Variants in THSD4 observed in about 807,000 individuals in gnomAD.
THSD4 encodes thrombospondin type-1 domain-containing protein 4.
THSD4 carries 69 observed loss-of-function variants against 119.0 expected under a neutral mutation model. The ratio of observed to expected loss-of-function variants is 0.58; its 90% CI spans 0.48 to 0.71. THSD4 has a LOEUF of 0.71. THSD4 is among the 30% of genes least tolerant of loss of function. The pLI is 0.00. For synonymous variants in THSD4, 524 were observed against 540.4 expected (o/e 0.97, Z 0.42); for missense variants, 1,393 against 1,391.1 (o/e 1.00, Z -0.02).
intron 7 of THSD4, among the ~76,000 whole-genome samples, chr15:71,467,616 A>G (rs72760689): frequency 0.17 from 26,094 of 152,076 alleles, 2,580 homozygotes; most frequent in South Asian, 0.3. Context: ...ACCTGCTTCA[A>G]GGAAGGGTCA....
intron 7 of THSD4, among the ~76,000 whole-genome samples, chr15:71,471,597 A>G (rs78132567): frequency 0.016 from 2,467 of 151,806 alleles, 40 homozygotes; most frequent in Non-Finnish European, 0.027. Flanking sequence ...GCGAAGTATG[A>G]TCAAGTGATC....
chr15:71,259,648 C>T (rs1041211511), intron 6 of THSD4, among the ~76,000 whole-genome samples: 3 of 152,154 alleles, frequency 2.0e-5, no homozygotes, highest in African/African-American at 7.2e-5. Flanking sequence ...GACACTGATG[C>T]CTAGACCCCT....
intron 1 of THSD4, among the ~76,000 whole-genome samples, chr15:71,141,056 A>ACAAC (rs2040598629): frequency 6.6e-6 from 1 of 152,240 alleles, no homozygotes; most frequent in African/African-American, 2.4e-5. Context: ...TTGTTAGACA[A>ACAAC]TATTTTTACT....
At chr15:71,254,152 A>G (rs1360736878) in intron 5 of THSD4, among the ~76,000 whole-genome samples, 1 of 152,166 alleles carries the variant, frequency 6.6e-6, no homozygotes, top group East Asian at 1.9e-4. Context: ...AGTTGTAGTT[A>G]TTTGAGGAAC....
At chr15:71,764,191 A>G (rs2053675307) in intron 15 of THSD4, among the ~76,000 whole-genome samples, 1 of 152,232 alleles carries the variant, frequency 6.6e-6, no homozygotes, top group African/African-American at 2.4e-5. Flanking sequence ...GGCCGCAGTG[A>G]GCCATGATCA....
intron 7 of THSD4, among the ~76,000 whole-genome samples, chr15:71,601,825 C>T (rs1352024952): frequency 6.6e-6 from 1 of 152,300 alleles, no homozygotes; most frequent in South Asian, 2.1e-4. Context: ...CAGCTGTGTG[C>T]GTGAGCAGCT....
At chr15:71,734,470 G>T (rs2053042591) in intron 10 of THSD4, among the ~76,000 whole-genome samples, 1 of 152,102 alleles carries the variant, frequency 6.6e-6, no homozygotes, top group African/African-American at 2.4e-5. Flanking sequence ...CAGTAAAAAG[G>T]TCAGTGGTTG....
chr15:71,329,053 G>A (rs531555950), intron 6 of THSD4, among the ~76,000 whole-genome samples: 1 of 152,250 alleles, frequency 6.6e-6, no homozygotes, highest in South Asian at 2.1e-4. Context: ...GCCAAGCCAG[G>A]GCATCTGAGA....
intron 7 of THSD4, among the ~76,000 whole-genome samples, chr15:71,444,193 G>T (rs1159593310): frequency 6.6e-6 from 1 of 152,146 alleles, no homozygotes; most frequent in Non-Finnish European, 1.5e-5. Context: ...GAGGTATTTG[G>T]GTTGAGTGTG....
chr15:71,289,915 C>CAA (rs1298665516), intron 6 of THSD4, among the ~76,000 whole-genome samples: 2 of 152,190 alleles, frequency 1.3e-5, no homozygotes, highest in East Asian at 3.9e-4. Context: ...TTCACTTTTC[C>CAA]ATTTTCCTAG....
chr15:71,558,861 G>A (rs1161651263), intron 7 of THSD4, among the ~76,000 whole-genome samples: 5 of 152,074 alleles, frequency 3.3e-5, no homozygotes, highest in Non-Finnish European at 5.9e-5. Flanking sequence ...GAGGGTTTCG[G>A]TGTTTTTTTA....
At chr15:71,412,800 A>T (rs907740876) in intron 7 of THSD4, among the ~76,000 whole-genome samples, 3 of 152,204 alleles carry the variant, frequency 2.0e-5, no homozygotes, top group Non-Finnish European at 4.4e-5. Context: ...ATAAAGCAGG[A>T]TTGATATTCT....
At chr15:71,322,370 C>G (rs1055905260) in intron 6 of THSD4, among the ~76,000 whole-genome samples, 2 of 152,010 alleles carry the variant, frequency 1.3e-5, no homozygotes, top group Non-Finnish European at 2.9e-5. Context: ...GAAATTTAGT[C>G]CAAGGAACAG....
intron 7 of THSD4, among the ~76,000 whole-genome samples, chr15:71,537,490 C>T (rs567177760): frequency 1.3e-5 from 2 of 152,266 alleles, no homozygotes; most frequent in Admixed American, 1.3e-4. Context: ...GCAAGTATTG[C>T]TCCTCTCACA....
chr15:71,245,185 T>A (rs1299252408), intron 5 of THSD4, among the ~76,000 whole-genome samples: 1 of 152,206 alleles, frequency 6.6e-6, no homozygotes, highest in African/African-American at 2.4e-5. Flanking sequence ...GAAGTACATG[T>A]TGACACGGGA....
At chr15:71,158,473 A>G (rs1236955267) in intron 3 of THSD4, among the ~76,000 whole-genome samples, 3 of 151,964 alleles carry the variant, frequency 2.0e-5, no homozygotes, top group Non-Finnish European at 2.9e-5. Context: ...TTCTTTTGTC[A>G]TTTTGATGAT....
chr15:71,383,074 T>C (rs1403457560), intron 6 of THSD4, among the ~76,000 whole-genome samples: 1 of 152,246 alleles, frequency 6.6e-6, no homozygotes, highest in Non-Finnish European at 1.5e-5. Flanking sequence ...TTTTTTTAAA[T>C]TAACCTGTTA....
At chr15:71,562,498 G>A (rs559394598) in intron 7 of THSD4, among the ~76,000 whole-genome samples, 2 of 152,062 alleles carry the variant, frequency 1.3e-5, no homozygotes, top group African/African-American at 2.4e-5. Context: ...AAAGTGGTTC[G>A]CATATATGCC....
chr15:71,606,166 G>C lies in THSD4; in HGVS notation c.1153-54364G>C, dbSNP rs369814453. On this transcript the variant is annotated intron_variant, in intron 7 of 17. Transcript: ENST00000261862. Reference sequence around the variant, plus strand: ...TCTGGGTAGTTGAAGAGAAAATACTGTCTCTGTTTTTGTTTTTGTTTTTTG... The same window carrying C: ...TCTGGGTAGTTGAAGAGAAAATACTCTCTCTGTTTTTGTTTTTGTTTTTTG... Among the ~76,000 whole-genome samples, 225 of 152,354 alleles carry C rather than the reference G, an allele frequency of 1.5e-3. 11 individuals carry two copies. In the South Asian group the frequency reaches 0.045, roughly 30 times the overall value.
Sources: gnomAD v4.1 joint callset for allele counts (sites outside exome capture counted in the v4.1 genomes callset) on GRCh38, gnomAD v4.1.1 for gene constraint, MANE v1.5 for transcripts, NCBI Gene and HGNC (gene_info 2026-07-23, HGNC 2026-07-21) for gene names.